ATXN3: variants seen among roughly 807,000 people sequenced by gnomAD.
ATXN3 encodes the protein ataxin 3.
Under a neutral mutation model 58.2 loss-of-function variants are expected in ATXN3, and 28 were observed. The observed-to-expected ratio is 0.48, with a 90% confidence interval of 0.36 to 0.66. ATXN3 has a LOEUF of 0.66. Ranked by LOEUF, ATXN3 falls within the 30% of genes least tolerant of loss-of-function variation. The probability of loss-of-function intolerance (pLI) is 0.00; values close to 1 mark genes in which losing one functional copy is unlikely to be tolerated. For synonymous variants in ATXN3, 113 were observed against 138.5 expected (o/e 0.82, Z 1.29); for missense variants, 321 against 422.1 (o/e 0.76, Z 2.10).
At chr14:92,106,091 G>A (rs1313157198) in intron 1 of ATXN3, among the ~76,000 whole-genome samples, 2 of 152,120 alleles carry the variant, frequency 1.3e-5, no homozygotes, top group Non-Finnish European at 2.9e-5. Flanking sequence ...GAGCAGTCCG[G>A]AGGAGGAAAA....
intron 6 of ATXN3, among the ~76,000 whole-genome samples, chr14:92,087,202 C>T (rs1051258187): frequency 2.0e-5 from 3 of 151,990 alleles, no homozygotes; most frequent in Non-Finnish European, 4.4e-5. Context: ...TTATAAACAC[C>T]TTGGAGGGTG....
intron 5 of ATXN3, among the ~76,000 whole-genome samples, chr14:92,091,608 C>T (rs899308564): frequency 4.0e-5 from 6 of 149,890 alleles, no homozygotes; most frequent in African/African-American, 7.3e-5. Flanking sequence ...TTGACTTATA[C>T]CTTTTTTGGC....
rs544630122 is a variant in ATXN3 at position 92,080,678 on chromosome 14, C to T, written c.872+287G>A. The T allele has an allele frequency of 9.5e-5, 35 of 368,296 alleles. No homozygotes were observed. The East Asian group carries it at 1.7e-3, about 18-fold the overall frequency. 22.8% of individuals were successfully genotyped at this position (368,296 alleles called of 1,614,324 possible). On this transcript the variant is annotated intron_variant, in intron 9 of 10. Transcript: ENST00000644486. ...CCTCCCAAGCAGCTGGGACTACAGG[C>T]GCACGCTTCCATGCCCAGCTGATTC... is the stretch of plus-strand genomic sequence containing the variant.
chr14:92,072,729 C>T (rs761758856), intron 9 of ATXN3, among the ~76,000 whole-genome samples: 50 of 142,330 alleles, frequency 3.5e-4, no homozygotes, highest in African/African-American at 4.2e-4. Context: ...GATTGCTTCT[C>T]GGTCTTTTGG....
chr14:92,068,110 G>A (rs928789974), intron 10 of ATXN3, among the ~76,000 whole-genome samples: 1 of 152,164 alleles, frequency 6.6e-6, no homozygotes, highest in African/African-American at 2.4e-5. Context: ...CCAGAGAGAT[G>A]CCTATGTATT....
chr14:92,049,429 A>G (rs2057440324), intron 1 of ATXN3, among the ~76,000 whole-genome samples: 1 of 152,126 alleles, frequency 6.6e-6, no homozygotes, highest in Admixed American at 6.5e-5. Flanking sequence ...CCAAGAGAAG[A>G]CTGTCTTCTT....
downstream of ATXN3, among the ~76,000 whole-genome samples, chr14:92,056,783 T>TC (rs2057469717): frequency 1.3e-5 from 2 of 152,090 alleles, no homozygotes; most frequent in African/African-American, 4.8e-5. Context: ...TAGGGAAATA[T>TC]CAGAGGCATT....
At chr14:92,075,060 T>G (rs1029768581) in intron 9 of ATXN3, among the ~76,000 whole-genome samples, 6 of 152,152 alleles carry the variant, frequency 3.9e-5, no homozygotes, top group Admixed American at 6.6e-5. Context: ...TGGGGTTTTA[T>G]GATGGTAAAA....
chr14:92,064,265 A>C lies in ATXN3; in HGVS notation c.*55T>G, dbSNP rs574166677. ...ATTACCAAAGTGGACCCTATGCTGT[A>C]ATCACACAGGATAATGTTGGAAAGT... On this transcript the variant is annotated 3_prime_UTR_variant, in exon 11 of 11. Transcript: ENST00000644486. 3.2e-5 allele frequency: 41 copies of C among 1,299,160 alleles called. No individual in the cohort carries two copies. The African/African-American group carries it at 4.7e-4, about 15-fold the overall frequency. 80.5% of individuals were successfully genotyped at this position (1,299,160 alleles called of 1,614,324 possible). A position where few individuals can be genotyped will look rare whatever the true frequency, so the allele number is the denominator to read the frequency against.
chr14:92,071,264 T>G, intron 9 of ATXN3: 4 of 841,384 alleles, frequency 4.8e-6, no homozygotes, highest in Non-Finnish European at 7.7e-6. Flanking sequence ...AATTTAAATT[T>G]ATCAGACAAA....
At chr14:92,080,766 C>T (rs775931116) in intron 9 of ATXN3, 199 bp downstream of exon 9, 2 of 560,932 alleles carry the variant, frequency 3.6e-6, no homozygotes, top group East Asian at 4.0e-5. Flanking sequence ...GAACTCCTGA[C>T]CTCAGGCAAT....
chr14:92,101,955 C>T (rs1023105067), intron 1 of ATXN3, among the ~76,000 whole-genome samples: 3 of 152,008 alleles, frequency 2.0e-5, no homozygotes, highest in Non-Finnish European at 1.5e-5. Flanking sequence ...GAGATCAAGA[C>T]CATCCTGGCC....
At chr14:92,083,864 G>A (rs940839086) in intron 6 of ATXN3, among the ~76,000 whole-genome samples, 2 of 152,200 alleles carry the variant, frequency 1.3e-5, no homozygotes, top group East Asian at 3.8e-4. Context: ...TCAGCTGCCA[G>A]CTCAGCTAGA....
intron 10 of ATXN3, among the ~76,000 whole-genome samples, chr14:92,065,907 TC>T (rs1249670662): frequency 6.6e-6 from 1 of 151,926 alleles, no homozygotes; most frequent in Non-Finnish European, 1.5e-5. Context: ...ATAATGATCT[TC>T]CAAATATTAG....
At chr14:92,074,868 T>C (rs1442918838) in intron 9 of ATXN3, among the ~76,000 whole-genome samples, 3 of 152,234 alleles carry the variant, frequency 2.0e-5, no homozygotes, top group Admixed American at 2.0e-4. Flanking sequence ...ATGTTTTTTG[T>C]AACAGAAAGC....
intron 5 of ATXN3, among the ~76,000 whole-genome samples, chr14:92,092,203 T>C (rs767986517): frequency 3.3e-4 from 50 of 152,174 alleles, no homozygotes; most frequent in Non-Finnish European, 6.2e-4. Flanking sequence ...AGACTTTTAA[T>C]AAATGATACC....
At chr14:92,068,045 A>C (rs977026411) in intron 10 of ATXN3, among the ~76,000 whole-genome samples, 1 of 152,154 alleles carries the variant, frequency 6.6e-6, no homozygotes, top group African/African-American at 2.4e-5. Flanking sequence ...GCTGGGTGTC[A>C]GCAACAGTCT....
chr14:92,093,998 T>G, intron 3 of ATXN3, 167 bp from the exon 4 acceptor site: 1 of 514,026 alleles, frequency 1.9e-6, no homozygotes, highest in Non-Finnish European at 3.4e-6. Flanking sequence ...GGCTGGAGTA[T>G]AGTGGCACGA....
chr14:92,106,559 T>G lies in ATXN3; in HGVS notation c.-7A>C, dbSNP rs768169130. ...CGTGGAAGATGGACTCCATGTTTAT[T>G]TGTCTGGAGCCAACGGCCCCCACGC... On this transcript the variant is annotated 5_prime_UTR_variant, in exon 1 of 11. Transcript: ENST00000644486. The G allele has an allele frequency of 6.2e-7, 1 of 1,612,876 alleles. No individual in the cohort carries two copies. Among genetic ancestry groups the G allele is most frequent in the South Asian group, 1.1e-5 (1 of 91,052 alleles).
Sources: allele counts gnomAD v4.1 joint callset (sites outside exome capture counted in the v4.1 genomes callset), GRCh38; gene constraint gnomAD v4.1.1; transcripts MANE v1.5; gene names NCBI Gene and HGNC (gene_info 2026-07-23, HGNC 2026-07-21).